Variants in TMPRSS15 observed in about 807,000 individuals in gnomAD.
TMPRSS15 encodes the protein enteropeptidase.
A neutral mutation model predicts 125.3 loss-of-function variants in TMPRSS15; 128 were observed. The ratio of observed to expected loss-of-function variants is 1.02; its 90% CI spans 0.89 to 1.18. The LOEUF (loss-of-function observed/expected upper bound fraction) is 1.18. Ranked by LOEUF, TMPRSS15 falls within the 50% of genes most tolerant of loss-of-function variation. TMPRSS15 has a pLI of 0.00. For missense variants in TMPRSS15, 1,283 were observed against 1,212.7 expected (o/e 1.06, Z -0.86); for synonymous variants, 446 against 423.2 (o/e 1.05, Z -0.66).
chr21:18,304,776 G>A (rs910657320), intron 18 of TMPRSS15, among the ~76,000 whole-genome samples: 2 of 151,954 alleles, frequency 1.3e-5, no homozygotes, highest in Non-Finnish European at 1.5e-5. Flanking sequence ...ATATTTCCAT[G>A]GATTTAAAAA....
chr21:18,293,633 C>T (rs2074864743), intron 21 of TMPRSS15, among the ~76,000 whole-genome samples: 1 of 152,186 alleles, frequency 6.6e-6, no homozygotes, highest in Non-Finnish European at 1.5e-5. Context: ...CCCTTCCATC[C>T]ACTCTGTTCT....
intron 1 of TMPRSS15, among the ~76,000 whole-genome samples, chr21:18,433,972 C>T (rs952612395): frequency 1.3e-5 from 2 of 152,172 alleles, no homozygotes; most frequent in African/African-American, 2.4e-5. Flanking sequence ...CTCTGAAAAG[C>T]CATTGTTGCC....
At chr21:18,289,437 G>A (rs8126607) in intron 21 of TMPRSS15, among the ~76,000 whole-genome samples, 15 of 151,982 alleles carry the variant, frequency 9.9e-5, no homozygotes, top group Non-Finnish European at 1.5e-4. Context: ...GCTTGAACCC[G>A]GGAGGCGGAG....
chr21:18,392,302 G>C (rs2123097960), intron 3 of TMPRSS15, among the ~76,000 whole-genome samples: 1 of 152,230 alleles, frequency 6.6e-6, no homozygotes, highest in Non-Finnish European at 1.5e-5. Context: ...TGAAAATTTT[G>C]CTGTTTAGAA....
chr21:18,369,382 T>C (rs2075770142), intron 6 of TMPRSS15, among the ~76,000 whole-genome samples: 1 of 151,980 alleles, frequency 6.6e-6, no homozygotes, highest in Non-Finnish European at 1.5e-5. Flanking sequence ...TTCCAAAGAG[T>C]TAAGCATTGG....
chr21:18,307,090 A>G (rs1163626771), intron 18 of TMPRSS15, among the ~76,000 whole-genome samples: 1 of 152,176 alleles, frequency 6.6e-6, no homozygotes, highest in East Asian at 1.9e-4. Flanking sequence ...TTTTAAACTC[A>G]CTAAGTTTTC....
intron 1 of TMPRSS15, among the ~76,000 whole-genome samples, chr21:18,443,177 A>C (rs1344790171): frequency 6.6e-6 from 1 of 152,198 alleles, no homozygotes. Context: ...TACGAAAAGA[A>C]AAAATAAAAT....
chr21:18,371,467 G>T (rs2147045245), intron 6 of TMPRSS15, among the ~76,000 whole-genome samples: 1 of 152,170 alleles, frequency 6.6e-6, no homozygotes, highest in East Asian at 1.9e-4. Context: ...ATGAAATGAA[G>T]AAATAAGTAA....
chr21:18,422,085 A>G (rs138161691), intron 1 of TMPRSS15, among the ~76,000 whole-genome samples: 14,421 of 151,518 alleles, frequency 0.095, 1,511 homozygotes, highest in African/African-American at 0.26. Flanking sequence ...CCAGGTTCAA[A>G]CGATTCTTCT....
At chr21:18,429,880 C>T (rs958237903) in intron 1 of TMPRSS15, among the ~76,000 whole-genome samples, 2 of 152,114 alleles carry the variant, frequency 1.3e-5, no homozygotes, top group Non-Finnish European at 2.9e-5. Flanking sequence ...TCATTGAGTA[C>T]CTTAATATAT....
chr21:18,276,207 C>T (rs531873266), intron 23 of TMPRSS15, among the ~76,000 whole-genome samples: 37 of 152,312 alleles, frequency 2.4e-4, no homozygotes, highest in African/African-American at 8.2e-4. Context: ...TTCGTGCACA[C>T]GTGCACGTGT....
At chr21:18,412,362 T>C (rs540666248) in intron 1 of TMPRSS15, among the ~76,000 whole-genome samples, 5 of 152,320 alleles carry the variant, frequency 3.3e-5, no homozygotes, top group African/African-American at 1.2e-4. Context: ...GCTTGCTAAG[T>C]TCTGTCTTAA....
chr21:18,404,195 C>A (rs977314170), upstream of TMPRSS15, among the ~76,000 whole-genome samples: 8 of 152,112 alleles, frequency 5.3e-5, no homozygotes, highest in African/African-American at 1.9e-4. Flanking sequence ...TACATGTATT[C>A]CTTATGGAAA....
intron 1 of TMPRSS15, among the ~76,000 whole-genome samples, chr21:18,441,464 G>C (rs1290816354): frequency 1.3e-5 from 2 of 150,344 alleles, no homozygotes; most frequent in African/African-American, 4.9e-5. Flanking sequence ...AAATTCGCTG[G>C]GTGTGGTGGT....
At chr21:18,317,939 C>G in intron 16 of TMPRSS15, among the ~76,000 whole-genome samples, 1 of 143,226 alleles carries the variant, frequency 7.0e-6, no homozygotes, top group Non-Finnish European at 1.5e-5. Context: ...CATAACAAGG[C>G]ATAAAATTTG....
chr21:18,388,699 A>T (rs1237869343), intron 3 of TMPRSS15, among the ~76,000 whole-genome samples: 1 of 152,196 alleles, frequency 6.6e-6, no homozygotes, highest in East Asian at 1.9e-4. Context: ...TCAATCCTCT[A>T]CAAAACTAGA....
intron 1 of TMPRSS15, among the ~76,000 whole-genome samples, chr21:18,470,902 T>C (rs912743561): frequency 1.1e-4 from 17 of 152,116 alleles, no homozygotes; most frequent in Admixed American, 1.3e-4. Flanking sequence ...ATCCATAGAA[T>C]GATTCTCTGG....
upstream of TMPRSS15, among the ~76,000 whole-genome samples, chr21:18,404,126 T>C (rs2076126524): frequency 6.6e-6 from 1 of 152,212 alleles, no homozygotes; most frequent in Non-Finnish European, 1.5e-5. Context: ...AAATAACTTT[T>C]AGGTGCAGAT....
At chr21:18,459,278 TTTC>T (rs1382955311) in intron 1 of TMPRSS15, among the ~76,000 whole-genome samples, 1 of 152,094 alleles carries the variant, frequency 6.6e-6, no homozygotes, top group African/African-American at 2.4e-5. Flanking sequence ...CTTTTTTTTT[TTTC>T]TTTTTCTTTT....
Sources: allele counts gnomAD v4.1 joint callset (sites outside exome capture counted in the v4.1 genomes callset), GRCh38; gene constraint gnomAD v4.1.1; transcripts MANE v1.5; gene names NCBI Gene and HGNC (gene_info 2026-07-23, HGNC 2026-07-21).